Variants in ZWILCH observed in about 807,000 individuals in gnomAD.
ZWILCH encodes the protein zwilch kinetochore protein.
In ZWILCH, 74 loss-of-function variants were observed where a neutral mutation model predicts 79.9. That is an observed-to-expected ratio of 0.93 (90% CI 0.77 to 1.12). The LOEUF is 1.12. Among genes scored for constraint, ZWILCH ranks in the 50% most tolerant of loss-of-function variants. The pLI is 0.00. For synonymous variants in ZWILCH, 241 were observed against 228.2 expected (o/e 1.06, Z -0.51); for missense variants, 694 against 687.5 (o/e 1.01, Z -0.11).
intron 2 of ZWILCH, among the ~76,000 whole-genome samples, chr15:66,509,849 A>G (rs1365931029): frequency 2.2e-4 from 18 of 82,210 alleles, no homozygotes; most frequent in Non-Finnish European, 2.2e-4. Flanking sequence ...ATATATATAT[A>G]TATATATATA....
intron 2 of ZWILCH, among the ~76,000 whole-genome samples, chr15:66,511,291 G>A (rs1474426378): frequency 6.6e-6 from 1 of 151,994 alleles, no homozygotes; most frequent in Non-Finnish European, 1.5e-5. Flanking sequence ...TTTGAAACCA[G>A]CCTGAGCAAT....
chr15:66,534,276 T>A (rs1315526744), intron 14 of ZWILCH, among the ~76,000 whole-genome samples: 2 of 152,150 alleles, frequency 1.3e-5, no homozygotes, highest in African/African-American at 4.8e-5. Flanking sequence ...TAGAGGTGAT[T>A]TAAAGCATAC....
intron 15 of ZWILCH, among the ~76,000 whole-genome samples, chr15:66,536,694 G>A (rs199606644): frequency 6.6e-6 from 1 of 150,450 alleles, no homozygotes; most frequent in African/African-American, 2.4e-5. Flanking sequence ...TTGTAGAGGG[G>A]AAAGTTTGAA....
intron 9 of ZWILCH, 40 bp from the exon 10 acceptor site, chr15:66,527,817 C>G: frequency 6.4e-7 from 1 of 1,550,928 alleles, no homozygotes; most frequent in Non-Finnish European, 8.8e-7. Flanking sequence ...ATTTGGAAAG[C>G]AGAAAAATCA....
At chr15:66,510,852 G>A (rs968674776) in intron 2 of ZWILCH, among the ~76,000 whole-genome samples, 2 of 152,102 alleles carry the variant, frequency 1.3e-5, no homozygotes, top group Non-Finnish European at 2.9e-5. Flanking sequence ...TTCCCCCTGC[G>A]TGTCTATGCC....
chr15:66,538,386 CT>C (rs201783019), intron 16 of ZWILCH, among the ~76,000 whole-genome samples: 29,218 of 144,190 alleles, frequency 0.2, 2,861 homozygotes, highest in East Asian at 0.37. Context: ...TCAGTAAGCA[CT>C]TTTTTTTTTT....
chr15:66,520,548 TTTGA>T, intron 5 of ZWILCH, 38 bp from the exon 6 acceptor site: 1 of 1,044,946 alleles, frequency 9.6e-7, no homozygotes, highest in Non-Finnish European at 1.5e-6. Context: ...ACAATGTAAT[TTTGA>T]GTTGTGCCTT....
rs917678513 is a variant in ZWILCH at position 66,549,060 on chromosome 15, A to G, written c.*736A>G. On this transcript the variant is annotated 3_prime_UTR_variant, in exon 19 of 19. Coordinates refer to ENST00000307897, the MANE Select transcript of ZWILCH (RefSeq NM_017975.5). Reference sequence around the variant, plus strand: ...AAATGTTGTATGGTAGTTCTTGTATAGTTAAATAATAATCTTTTTAAGAGT... The same window carrying G: ...AAATGTTGTATGGTAGTTCTTGTATGGTTAAATAATAATCTTTTTAAGAGT... 6.5e-6 allele frequency: 1 copy of G among 152,850 alleles called. No homozygotes were observed. The allele number at this position is 152,850 out of a possible 1,614,324, so 9.5% of individuals were successfully genotyped here.
In ZWILCH at chr15:66,537,758, C is replaced by T. The variant is rs534775200; in HGVS notation, c.1574+495C>T. On this transcript the variant is annotated intron_variant, in intron 16 of 18. Coordinates refer to ENST00000307897, the MANE Select transcript of ZWILCH (RefSeq NM_017975.5). ...TTATTATCTTAAGTCCACCCATGATCCTAGGCAATTTCAGTGTTCATATTC... is the reference window on the plus strand; with the variant it reads ...TTATTATCTTAAGTCCACCCATGATTCTAGGCAATTTCAGTGTTCATATTC... Among the ~76,000 whole-genome samples the T allele has an allele frequency of 3.3e-5, 5 of 152,218 alleles. No individual in the cohort carries two copies. In the East Asian group the frequency reaches 9.7e-4, roughly 29 times the overall value.
In ZWILCH at chr15:66,505,372, T is replaced by A. The variant is rs532664071; in HGVS notation, c.34T>A (p.Phe12Ile). 1.4e-4 allele frequency: 226 copies of A among 1,614,170 alleles called. 8 individuals carry two copies. The highest frequency in any genetic ancestry group is 9.7e-4 in the South Asian group (88 of 91,066). The change falls in exon 1 of 19, where the codon TTT becomes ATT. Residue 12 changes from phenylalanine (F) to isoleucine (I), a missense_variant. Transcript: ENST00000307897. ...WERLNCAAED[F>I]YSRLLQKFNE... ...GCGGCTGAACTGCGCAGCAGAGGACTTTTATTCTCGTCTCCTTCAGTGAGT... is the reference window on the plus strand; with the variant it reads ...GCGGCTGAACTGCGCAGCAGAGGACATTTATTCTCGTCTCCTTCAGTGAGT...
chr15:66,537,073 C>A, intron 15 of ZWILCH, 95 bp from the exon 16 acceptor site: 3 of 818,676 alleles, frequency 3.7e-6, no homozygotes, highest in African/African-American at 1.7e-5. Flanking sequence ...TAGTAGTACT[C>A]AATAAAATGT....
chr15:66,525,928 A>AT (rs201688688), intron 8 of ZWILCH, among the ~76,000 whole-genome samples: 5 of 151,234 alleles, frequency 3.3e-5, no homozygotes, highest in African/African-American at 1.2e-4. Flanking sequence ...TGCCCTGCTA[A>AT]TTTTTTTGTG....
chr15:66,515,679 C>T (rs749466365), intron 4 of ZWILCH, 35 bp downstream of exon 4: 1 of 1,398,900 alleles, frequency 7.1e-7, no homozygotes, highest in Non-Finnish European at 1.0e-6. Context: ...GGGGTGGCAA[C>T]TAGGATTTAA....
At position 66,506,805 on chromosome 15, in the gene ZWILCH, G is replaced by A. The variant is rs1431075128; in HGVS notation, c.53+1414G>A. 2.0e-5 allele frequency among the ~76,000 whole-genome samples: 3 copies of A among 151,910 alleles called. No individual in the cohort carries two copies. The East Asian group carries it at 5.8e-4, about 29-fold the overall frequency. ...AGCCTGGGCAGCGTAGTGAGAACCC[G>A]TCTCTAAAAATAAATAAATAAATAA... On this transcript the variant is annotated intron_variant, in intron 1 of 18. Transcript: ENST00000307897.
In ZWILCH at chr15:66,538,759, C is replaced by T. The variant is rs76736114; in HGVS notation, c.1575-1339C>T. On this transcript the variant is annotated intron_variant, in intron 16 of 18. Coordinates refer to ENST00000307897, the MANE Select transcript of ZWILCH (RefSeq NM_017975.5). ...GAACCTATCTCCTTATTTTCTGTGA[C>T]GTAGCATCTGTCTTAATTTGAATTC... is the stretch of plus-strand genomic sequence containing the variant. 6.6e-4 allele frequency among the ~76,000 whole-genome samples: 101 copies of T among 152,292 alleles called. No individual in the cohort carries two copies. The East Asian group carries it at 0.018, about 26-fold the overall frequency.
In ZWILCH at chr15:66,548,672, C is replaced by A. The variant is rs1044075509; in HGVS notation, c.*348C>A. On this transcript the variant is annotated 3_prime_UTR_variant, in exon 19 of 19. Transcript: ENST00000307897. ...ATCATTTTAGTAAATACAGCTTTAT[C>A]CCAAAAGCTTTAACTGTATTGGGAA... is the stretch of plus-strand genomic sequence containing the variant. 1.2e-6 allele frequency: 1 copy of A among 805,924 alleles called. No individual in the cohort carries two copies. The highest frequency in any genetic ancestry group is 2.1e-6 in the Non-Finnish European group (1 of 470,724). 49.9% of individuals were successfully genotyped at this position (805,924 alleles called of 1,614,324 possible). A position where few individuals can be genotyped will look rare whatever the true frequency, so the allele number is the denominator to read the frequency against.
intron 7 of ZWILCH, among the ~76,000 whole-genome samples, chr15:66,522,188 ACT>A (rs960525338): frequency 7.9e-5 from 12 of 151,764 alleles, no homozygotes; most frequent in African/African-American, 2.2e-4. Flanking sequence ...ACAGAGTGAG[ACT>A]CTGTCTCAAA....
At chr15:66,519,824 G>C (rs1188724486) in intron 5 of ZWILCH, among the ~76,000 whole-genome samples, 5 of 151,968 alleles carry the variant, frequency 3.3e-5, no homozygotes, top group Non-Finnish European at 7.4e-5. Flanking sequence ...TAGAGACAGA[G>C]CCTCACTCTG....
chr15:66,525,057 T>G (rs1349162622), intron 8 of ZWILCH, among the ~76,000 whole-genome samples: 1 of 152,126 alleles, frequency 6.6e-6, no homozygotes, highest in Non-Finnish European at 1.5e-5. Context: ...GCTTCAAGAG[T>G]CAGTATGTCA....
Sources: gnomAD v4.1 joint callset for allele counts (sites outside exome capture counted in the v4.1 genomes callset) on GRCh38, gnomAD v4.1.1 for gene constraint, MANE v1.5 for transcripts, NCBI Gene and HGNC (gene_info 2026-07-23, HGNC 2026-07-21) for gene names.